CFTR: variants seen among roughly 807,000 people sequenced by gnomAD.
CFTR encodes cystic fibrosis transmembrane conductance regulator.
A neutral mutation model predicts 171.6 loss-of-function variants in CFTR; 181 were observed. That is an observed-to-expected ratio of 1.05 (90% confidence interval 0.93 to 1.19). The LOEUF (loss-of-function observed/expected upper bound fraction) is 1.19. CFTR is among the 50% of genes most tolerant of loss of function. The probability of loss-of-function intolerance (pLI) is 0.00; values close to 1 mark genes in which losing one functional copy is unlikely to be tolerated. For synonymous variants in CFTR, 583 were observed against 608.0 expected, an observed-to-expected ratio of 0.96 and a Z score of 0.60; for missense variants, 1,968 against 1,734.7, an observed-to-expected ratio of 1.13 and a Z score of -2.39.
intron 1 of CFTR, among the ~76,000 whole-genome samples, chr7:117,487,560 C>T (rs1798093890): frequency 6.6e-6 from 1 of 152,058 alleles, no homozygotes; most frequent in Non-Finnish European, 1.5e-5. Flanking sequence ...AGCTCACCTA[C>T]TATGATGAGG....
intron 24 of CFTR, among the ~76,000 whole-genome samples, chr7:117,660,734 A>G (rs1367086169): frequency 6.6e-6 from 1 of 151,910 alleles, no homozygotes; most frequent in Non-Finnish European, 1.5e-5. Flanking sequence ...ATATATACAT[A>G]TTTAAAGGAT....
intron 20 of CFTR, among the ~76,000 whole-genome samples, chr7:117,612,653 T>G (rs1792425251): frequency 6.6e-6 from 1 of 152,088 alleles, no homozygotes; most frequent in Non-Finnish European, 1.5e-5. Context: ...AGGAACAGAA[T>G]TCTACTCAAA....
chr7:117,615,901 A>G (rs1277840967), intron 21 of CFTR, among the ~76,000 whole-genome samples: 1 of 152,056 alleles, frequency 6.6e-6, no homozygotes, highest in African/African-American at 2.4e-5. Context: ...CTGCTTTTGT[A>G]GATGGTTTAG....
intron 11 of CFTR, among the ~76,000 whole-genome samples, chr7:117,578,313 T>G (rs1791801151): frequency 6.6e-6 from 1 of 152,114 alleles, no homozygotes; most frequent in Non-Finnish European, 1.5e-5. Flanking sequence ...TCACCTCCAC[T>G]TAATGAATAG....
At chr7:117,620,925 G>A (rs1480554605) in intron 21 of CFTR, among the ~76,000 whole-genome samples, 2 of 152,092 alleles carry the variant, frequency 1.3e-5, no homozygotes, top group Non-Finnish European at 2.9e-5. Context: ...TGGTCAACAT[G>A]GCAAAACCCT....
Position 117,509,074 on chromosome 7 carries a change from C to G in CFTR, c.205C>G (p.Leu69Val), listed in dbSNP as rs372421038. The G allele has an allele frequency of 6.2e-7, 1 of 1,612,940 alleles. No individual in the cohort carries two copies. The highest frequency in any genetic ancestry group is 8.5e-7 in the Non-Finnish European group (1 of 1,179,306). ...GCTGGCTTCAAAGAAAAATCCTAAA[C>G]TCATTAATGCCCTTCGGCGATGTTT... ...RELASKKNPK[L>V]INALRRCFFW... Residue 69 changes from leucine to valine, a missense_variant, in exon 3 of 27, where the codon CTC (leucine) becomes GTC (valine). Physicochemically the swap from Leu to Val is conservative, Grantham distance 32. Coordinates refer to ENST00000003084, the MANE Select transcript of CFTR (RefSeq NM_000492.4).
At chr7:117,556,201 A>T (rs1356370774) in intron 10 of CFTR, among the ~76,000 whole-genome samples, 3 of 151,906 alleles carry the variant, frequency 2.0e-5, no homozygotes, top group Non-Finnish European at 4.4e-5. Flanking sequence ...AGTAGCTGGG[A>T]CTACAGGCAC....
At chr7:117,624,327 G>C (rs1303435037) in intron 21 of CFTR, among the ~76,000 whole-genome samples, 1 of 152,122 alleles carries the variant, frequency 6.6e-6, no homozygotes, top group African/African-American at 2.4e-5. Context: ...ACCTAGAGGG[G>C]CATGGTCCAG....
intron 3 of CFTR, among the ~76,000 whole-genome samples, chr7:117,516,044 A>G (rs1032388096): frequency 2.0e-5 from 3 of 152,152 alleles, no homozygotes; most frequent in African/African-American, 7.2e-5. Flanking sequence ...TGCTTGTGAT[A>G]ATGGTTTTGC....
chr7:117,598,708 A>T (rs995227380), intron 15 of CFTR, among the ~76,000 whole-genome samples: 7 of 152,226 alleles, frequency 4.6e-5, no homozygotes, highest in African/African-American at 1.7e-4. Context: ...TGCAAGATGC[A>T]GTGTAGCATA....
At position 117,536,643 on chromosome 7, in the gene CFTR, C is replaced by G; in HGVS notation, c.839C>G (p.Ala280Gly). ...QSVKAYCWEE[A>G]MEKMIENLRQ... ...GTTAAGGCATACTGCTGGGAAGAAG[C>G]AATGGAAAAAATGATTGAAAACTTA... Residue 280 changes from alanine (A) to glycine (G), a missense_variant, in exon 7 of 27, where the codon GCA becomes GGA. Coordinates refer to ENST00000003084, the MANE Select transcript of CFTR (RefSeq NM_000492.4). 6.2e-7 allele frequency: 1 copy of G among 1,611,636 alleles called. No homozygotes were observed.
chr7:117,489,816 T>C (rs553234674), intron 1 of CFTR, among the ~76,000 whole-genome samples: 1 of 151,982 alleles, frequency 6.6e-6, no homozygotes, highest in Admixed American at 6.6e-5. Context: ...AATGTGTGAT[T>C]TTCTTGGTTC....
chr7:117,571,302 A>T (rs747866021), intron 11 of CFTR, among the ~76,000 whole-genome samples: 2 of 152,242 alleles, frequency 1.3e-5, no homozygotes, highest in Non-Finnish European at 2.9e-5. Flanking sequence ...AATCCAGAGC[A>T]GGAACAGATT....
Position 117,642,482 on chromosome 7 carries a change from A to T in CFTR, c.3762A>T (p.Leu1254Phe), listed in dbSNP as rs768411899. 3.1e-6 allele frequency: 5 copies of T among 1,613,594 alleles called. No homozygotes were observed. The African/African-American group carries it at 6.7e-5, about 22-fold the overall frequency. The part of the protein sequence containing the change: ...GRTGSGKSTL[L>F]SAFLRLLNTE... ...CTGGATCAGGGAAGAGTACTTTGTT[A>T]TCAGCTTTTTTGAGACTACTGAACA... Residue 1254 changes from leucine (L) to phenylalanine (F), a missense_variant, in exon 23 of 27, where the codon TTA becomes TTT. Transcript: ENST00000003084.
chr7:117,512,193 T>C (rs952464889), intron 3 of CFTR, among the ~76,000 whole-genome samples: 4 of 152,210 alleles, frequency 2.6e-5, no homozygotes, highest in Non-Finnish European at 5.9e-5. Context: ...GGAGGTGCCA[T>C]CATGAAGGAG....
Position 117,576,537 on chromosome 7 carries a change from G to A in CFTR, c.1585-11202G>A, listed in dbSNP as rs529777355. Among the ~76,000 whole-genome samples, 16 of 152,168 alleles carry A rather than the reference G, an allele frequency of 1.1e-4. 1 individual carries two copies. Among genetic ancestry groups the A allele is most frequent in the African/African-American group, 2.4e-4 (10 of 41,536 alleles). On this transcript the variant is annotated intron_variant, in intron 11 of 26. Transcript: ENST00000003084. ...GGAACCAATTCCCCACAGATGCCAA[G>A]GCACAACTGTATTTATTCTATCATC...
Position 117,610,637 on chromosome 7 carries a change from C to A in CFTR, c.3107C>A (p.Thr1036Asn), listed in dbSNP as rs397508498. 3 of 1,613,434 alleles carry A rather than the reference C, an allele frequency of 1.9e-6. No homozygotes were observed. The highest frequency in any genetic ancestry group is 3.3e-5 in the Admixed American group (2 of 59,942). ...FIMLRAYFLQ[T>N]SQQLKQLESE... ...ATGTTGAGAGCATATTTCCTCCAAA[C>A]CTCACAGCAACTCAAACAACTGGAA... The change falls in exon 19 of 27, where the codon ACC (threonine) becomes AAC (asparagine). Residue 1036 changes from threonine to asparagine, a missense_variant. Coordinates refer to ENST00000003084, the MANE Select transcript of CFTR (RefSeq NM_000492.4).
intron 21 of CFTR, among the ~76,000 whole-genome samples, chr7:117,624,984 C>G (rs1792630797): frequency 6.6e-6 from 1 of 152,162 alleles, no homozygotes; most frequent in Non-Finnish European, 1.5e-5. Context: ...AAGCCCACGA[C>G]TACAAGGAAT....
At chr7:117,514,619 A>G (rs548953373) in intron 3 of CFTR, among the ~76,000 whole-genome samples, 1 of 152,276 alleles carries the variant, frequency 6.6e-6, no homozygotes, top group East Asian at 1.9e-4. Flanking sequence ...CAGTAAACAT[A>G]TATGTCCATG....
Sources: allele counts gnomAD v4.1 joint callset (sites outside exome capture counted in the v4.1 genomes callset), GRCh38; gene constraint gnomAD v4.1.1; transcripts MANE v1.5; gene names NCBI Gene and HGNC (gene_info 2026-07-23, HGNC 2026-07-21).